Variants in ELMO3 observed in about 807,000 individuals in gnomAD.
ELMO3 encodes engulfment and cell motility 3, also known as engulfment and cell motility protein 3.
Under a neutral mutation model 89.0 loss-of-function variants are expected in ELMO3, and 81 were observed. The ratio of observed to expected loss-of-function variants is 0.91; its 90% CI spans 0.76 to 1.09. ELMO3 has a LOEUF of 1.09. Among genes scored for constraint, ELMO3 ranks in the 50% least tolerant of loss-of-function variants. ELMO3 has a pLI of 0.00. For synonymous variants in ELMO3, 406 were observed against 400.6 expected, an observed-to-expected ratio of 1.01 and a Z score of -0.16; for missense variants, 959 against 972.8, an observed-to-expected ratio of 0.99 and a Z score of 0.19.
Position 67,200,969 on chromosome 16 carries a change from G to T in ELMO3, c.744+1G>T. 2 of 1,598,702 alleles carry T rather than the reference G, an allele frequency of 1.3e-6. No individual in the cohort carries two copies. Among genetic ancestry groups the T allele is most frequent in the South Asian group, 2.3e-5 (2 of 88,756 alleles). On this transcript the variant is annotated splice_donor_variant, in intron 8 of 19. Transcript: ENST00000393997. LOFTEE classifies it high-confidence loss of function. ...GGGGGCCAGCCCTGTGGAACGCAAGGTGAGTGTCGATCGGTGGCTAGATGG... is the reference window on the plus strand; with the variant it reads ...GGGGGCCAGCCCTGTGGAACGCAAGTTGAGTGTCGATCGGTGGCTAGATGG...
chr16:67,202,920 C>T lies in ELMO3; in HGVS notation c.1591C>T (p.Leu531Phe). 2 of 1,612,052 alleles carry T rather than the reference C, an allele frequency of 1.2e-6. No homozygotes were observed. Among genetic ancestry groups the T allele is most frequent in the Middle Eastern group, 3.3e-4 (2 of 6,062 alleles). ...LELREKLKPELMGLIRQQRLL... is the reference protein window; with the variant it reads ...LELREKLKPEFMGLIRQQRLL... ...GCTGCGGGAGAAGCTGAAGCCAGAG[C>T]TCATGGGCCTGATCCGCCAGCAGCG... The change falls in exon 16 of 20, where the codon CTC (leucine) becomes TTC (phenylalanine). Residue 531 changes from leucine (L) to phenylalanine (F), a missense_variant. Coordinates refer to ENST00000393997, the MANE Select transcript of ELMO3 (RefSeq NM_024712.5).
intron 4 of ELMO3, 21 bp downstream of exon 4, chr16:67,200,022 C>G (rs752758260): frequency 6.2e-7 from 1 of 1,612,696 alleles, no homozygotes; most frequent in Admixed American, 1.7e-5. Context: ...TCCCGTCCCG[C>G]CTTCCCCATC....
Position 67,200,948 on chromosome 16 carries a change from G to A in ELMO3, c.724G>A (p.Ala242Thr). ...CCTGCTGACAGCCTTGCTGCAGGGG[G>A]CCAGCCCTGTGGAACGCAAGGTGAG... is the stretch of plus-strand genomic sequence containing the variant. ...MALLTALLQG[A>T]SPVERKHMLD... is the part of the protein sequence containing the mutation. Residue 242 changes from alanine to threonine, a missense_variant, in exon 8 of 20, where the codon GCC (alanine) becomes ACC (threonine). Ala to Thr is a moderately conservative substitution (Grantham distance 58). Transcript: ENST00000393997. 5.0e-6 allele frequency: 8 copies of A among 1,609,304 alleles called. No homozygotes were observed. The highest frequency in any genetic ancestry group is 6.8e-6 in the Non-Finnish European group (8 of 1,178,732).
chr16:67,199,964 T>C lies in ELMO3; in HGVS notation c.206T>C (p.Ile69Thr), dbSNP rs2142217557. 6.2e-7 allele frequency: 1 copy of C among 1,613,784 alleles called. No individual in the cohort carries two copies. Among genetic ancestry groups the C allele is most frequent in the South Asian group, 1.1e-5 (1 of 91,066 alleles). Reference protein sequence around the residue: ...RYITENNRAEIKNGSILCLST... With the variant: ...RYITENNRAETKNGSILCLST... ...TGTCTTCTCCAGAACCGCGCGGAGA[T>C]CAAGAATGGCAGCATCCTGTGCCTC... Residue 69 changes from isoleucine to threonine, a missense_variant, in exon 4 of 20, where the codon ATC becomes ACC. By Grantham distance (89) the Ile-to-Thr change is moderately conservative. Coordinates refer to ENST00000393997, the MANE Select transcript of ELMO3 (RefSeq NM_024712.5).
intron 11 of ELMO3, 34 bp downstream of exon 11, chr16:67,201,907 G>T: frequency 6.2e-7 from 1 of 1,603,054 alleles, no homozygotes; most frequent in East Asian, 2.2e-5. Context: ...CCCCACCCCT[G>T]CCTCAGCCCA....
Position 67,203,730 on chromosome 16 carries a change from G to A in ELMO3, c.2016G>A (p.Arg672=), listed in dbSNP as rs1342924637. Residue 672 remains arginine, a synonymous_variant, in exon 20 of 20, where the codon CGG becomes CGA. Transcript: ENST00000393997. The surrounding 1 kb of genome is among the most constrained non-coding windows in gnomAD (Gnocchi z 4.6). ...GTCCCATGGGCAGCGAGCAGACACG[G>A]CTGGACCTGGAGCAGCTGCTGACCA... The part of the protein sequence containing the change: ...LGSPMGSEQT[R]LDLEQLLTME... 4 of 1,613,558 alleles carry A rather than the reference G, an allele frequency of 2.5e-6. No individual in the cohort carries two copies. Among genetic ancestry groups the A allele is most frequent in the Non-Finnish European group, 3.4e-6 (4 of 1,180,026 alleles).
At position 67,201,643 on chromosome 16, in the gene ELMO3, G is replaced by A; in HGVS notation, c.918+1G>A. The A allele has an allele frequency of 1.9e-6, 3 of 1,612,114 alleles. No individual in the cohort carries two copies. The highest frequency in any genetic ancestry group is 2.5e-6 in the Non-Finnish European group (3 of 1,179,948). ...GACGCCCCTGGACCCCTACAGCCAG[G>A]TGTGTGTCTTTGGTGAGGACAAGGC... is the stretch of plus-strand genomic sequence containing the variant. On this transcript the variant is annotated splice_donor_variant, in intron 10 of 19. Coordinates refer to ENST00000393997, the MANE Select transcript of ELMO3 (RefSeq NM_024712.5). LOFTEE classifies it high-confidence loss of function.
rs112662019 is a variant in ELMO3 at position 67,201,939 on chromosome 16, G to A, written c.1051-38G>A. ...CCCAGGGCTGTTGTTCCAGGCGGCC[G>A]TGGCCCTTCTTGAACTGCCTGTGCC... On this transcript the variant is annotated intron_variant, in intron 11 of 19. Transcript: ENST00000393997. 3.5e-5 allele frequency: 57 copies of A among 1,607,920 alleles called. No homozygotes were observed. The East Asian group carries it at 7.4e-4, about 21-fold the overall frequency.
rs1359133576 is a variant in ELMO3, at chr16:67,199,158, G to A, written c.-169G>A. ...AACTAACCTCGGCTCCCTTGGGAAG[G>A]CCGCGTTGCATGGCCAGGAGCAGCA... On this transcript the variant is annotated 5_prime_UTR_variant, in exon 1 of 20. Coordinates refer to ENST00000393997, the MANE Select transcript of ELMO3 (RefSeq NM_024712.5). 3.7e-6 allele frequency: 6 copies of A among 1,606,912 alleles called. No individual in the cohort carries two copies. The South Asian group carries it at 5.5e-5, about 15-fold the overall frequency.
At chr16:67,199,893 G>C (rs2033058140) in intron 3 of ELMO3, 58 bp from the exon 4 acceptor site, 1 of 1,612,884 alleles carries the variant, frequency 6.2e-7, no homozygotes, top group East Asian at 2.2e-5. Flanking sequence ...CGACACCCCA[G>C]TTGATCAGTC....
rs762771354 is a variant in ELMO3, at chr16:67,202,597, AGGCCCTGAGCTGAGCTTG to A, written c.1399-26_1399-9del. The A allele has an allele frequency of 1.2e-6, 2 of 1,613,006 alleles. No individual in the cohort carries two copies. Among genetic ancestry groups the A allele is most frequent in the East Asian group, 4.5e-5 (2 of 44,836 alleles). The stretch of plus-strand genomic sequence containing the variant: ...GGGGGCTGATCTGGGTACAGAGCTT[AGGCCCTGAGCTGAGCTTG>A]GGCGGCCCCAGGTCATGCAGGTGGT... On this transcript the variant is annotated splice_polypyrimidine_tract_variant and intron_variant, in intron 14 of 19. Coordinates refer to ENST00000393997, the MANE Select transcript of ELMO3 (RefSeq NM_024712.5).
Position 67,201,766 on chromosome 16 carries a change from C to G in ELMO3, c.943C>G (p.Leu315Val). 1 of 1,611,168 alleles carries G rather than the reference C, an allele frequency of 6.2e-7. No individual in the cohort carries two copies. The highest frequency in any genetic ancestry group is 1.1e-5 in the South Asian group (1 of 91,090). ...GGAGCAGCGGGAGCAGCTGCAGGTCCTACGCCAGGCTGCCTTCGAGGTGGA... is the reference window on the plus strand; with the variant it reads ...GGAGCAGCGGGAGCAGCTGCAGGTCGTACGCCAGGCTGCCTTCGAGGTGGA... ...SQEQREQLQVLRQAAFEVEGE... is the reference protein window; with the variant it reads ...SQEQREQLQVVRQAAFEVEGE... The change falls in exon 11 of 20, where the codon CTA becomes GTA. Residue 315 changes from leucine (L) to valine (V), a missense_variant. Coordinates refer to ENST00000393997, the MANE Select transcript of ELMO3 (RefSeq NM_024712.5).
chr16:67,202,476 C>G lies in ELMO3; in HGVS notation c.1341C>G (p.Ile447Met). The change falls in exon 14 of 20, where the codon ATC becomes ATG. Residue 447 changes from isoleucine (I) to methionine (M), a missense_variant. By Grantham distance (10) the Ile-to-Met change is conservative. Transcript: ENST00000393997. ...QSFHELFCVG[I>M]QLLNKTWKEM... is the part of the protein sequence containing the mutation. Reference sequence around the variant, plus strand: ...TCCACGAGCTCTTCTGTGTGGGCATCCAGCTGTTGAATAAGACCTGGAAGG... The same window carrying G: ...TCCACGAGCTCTTCTGTGTGGGCATGCAGCTGTTGAATAAGACCTGGAAGG... The G allele has an allele frequency of 6.2e-7, 1 of 1,613,236 alleles. No homozygotes were observed. The highest frequency in any genetic ancestry group is 8.5e-7 in the Non-Finnish European group (1 of 1,180,036).
chr16:67,203,081 C>A lies in ELMO3; in HGVS notation c.1676-38C>A. ...AGGGCGGCTGGCTTGGTGTCAGGAC[C>A]TCTCAGCACTCTGGCCCTCTTCCCT... On this transcript the variant is annotated intron_variant, in intron 16 of 19. Coordinates refer to ENST00000393997, the MANE Select transcript of ELMO3 (RefSeq NM_024712.5). This position sits in a 1 kb window ranked among gnomAD's most constrained non-coding sequence, Gnocchi z 4.6. 6.3e-7 allele frequency: 1 copy of A among 1,593,494 alleles called. No individual in the cohort carries two copies. The highest frequency in any genetic ancestry group is 1.1e-5 in the South Asian group (1 of 89,104).
rs888338326 is a variant in ELMO3, at chr16:67,203,505, T to C, written c.1872T>C (p.Tyr624=). The change falls in exon 19 of 20, where the codon TAT becomes TAC. Residue 624 remains tyrosine, a synonymous_variant. Transcript: ENST00000393997. The surrounding 1 kb of genome is among the most constrained non-coding windows in gnomAD (Gnocchi z 4.6). The part of the protein sequence containing the change: ...KGSGKQNKDL[Y]ELAFSISYDR... ...CTCCCTTGCTTCCCCAGGACCTCTATGAGTTGGCCTTCTCAATCAGCTATG... is the reference window on the plus strand; with the variant it reads ...CTCCCTTGCTTCCCCAGGACCTCTACGAGTTGGCCTTCTCAATCAGCTATG... The C allele has an allele frequency of 6.2e-7, 1 of 1,609,448 alleles. No homozygotes were observed. The highest frequency in any genetic ancestry group is 1.1e-5 in the South Asian group (1 of 90,948).
In ELMO3 at chr16:67,203,447, C is replaced by T. The variant is rs777347018; in HGVS notation, c.1863+38C>T. On this transcript the variant is annotated intron_variant, in intron 18 of 19. Coordinates refer to ENST00000393997, the MANE Select transcript of ELMO3 (RefSeq NM_024712.5). This position sits in a 1 kb window ranked among gnomAD's most constrained non-coding sequence, Gnocchi z 4.6. ...GGCCAGGGGCTCCTTCCCACCCGCC[C>T]CCGCCTACCCTGTCCCCTGCTCAGT... The T allele has an allele frequency of 1.1e-5, 17 of 1,612,906 alleles. No homozygotes were observed. The highest frequency in any genetic ancestry group is 9.3e-5 in the African/African-American group (7 of 75,026).
Position 67,200,360 on chromosome 16 carries a change from G to T in ELMO3, c.412G>T (p.Asp138Tyr). The T allele has an allele frequency of 6.2e-7, 1 of 1,613,902 alleles. No homozygotes were observed. Among genetic ancestry groups the T allele is most frequent in the Non-Finnish European group, 8.5e-7 (1 of 1,180,018 alleles). Residue 138 changes from aspartate (D) to tyrosine (Y), a missense_variant and splice_region_variant, in exon 5 of 20, where the codon GAC becomes TAC. Coordinates refer to ENST00000393997, the MANE Select transcript of ELMO3 (RefSeq NM_024712.5). ...AGGCACCATCATTGAAGATGGGGAC[G>T]AGTGAGCACAGGGATGTGTGGGCTG... ...ILGTIIEDGD[D>Y]LGEVLALSLR...
Position 67,201,567 on chromosome 16 carries a change from C to T in ELMO3, c.843C>T (p.His281=). ...AAPMGDEMAH[H]LYVLQALMLG... is the part of the protein sequence containing the mutation. The stretch of plus-strand genomic sequence containing the variant: ...CAATGGGCGACGAGATGGCTCATCA[C>T]CTGTACGTACTGCAGGCTCTCATGC... The change falls in exon 10 of 20, where the codon CAC becomes CAT. Residue 281 remains histidine (H), a synonymous_variant. Coordinates refer to ENST00000393997, the MANE Select transcript of ELMO3 (RefSeq NM_024712.5). 6.2e-7 allele frequency: 1 copy of T among 1,614,058 alleles called. No homozygotes were observed. Among genetic ancestry groups the T allele is most frequent in the Non-Finnish European group, 8.5e-7 (1 of 1,180,036 alleles).
At position 67,202,611 on chromosome 16, in the gene ELMO3, G is replaced by C. The variant is rs1327339723; in HGVS notation, c.1399-16G>C. Reference sequence around the variant, plus strand: ...GTACAGAGCTTAGGCCCTGAGCTGAGCTTGGGCGGCCCCAGGTCATGCAGG... The same window carrying C: ...GTACAGAGCTTAGGCCCTGAGCTGACCTTGGGCGGCCCCAGGTCATGCAGG... On this transcript the variant is annotated splice_polypyrimidine_tract_variant and intron_variant, in intron 14 of 19. Coordinates refer to ENST00000393997, the MANE Select transcript of ELMO3 (RefSeq NM_024712.5). 1.2e-6 allele frequency: 2 copies of C among 1,613,324 alleles called. No individual in the cohort carries two copies. Among genetic ancestry groups the C allele is most frequent in the Non-Finnish European group, 1.7e-6 (2 of 1,179,894 alleles).
Sources: gnomAD v4.1 joint callset for allele counts on GRCh38, gnomAD v4.1.1 for gene constraint, Gnocchi (gnomAD v3.1) non-coding constraint, MANE v1.5 for transcripts, NCBI Gene and HGNC (gene_info 2026-07-23, HGNC 2026-07-21) for gene names.